OLFM3: variants seen among roughly 807,000 people sequenced by gnomAD.
OLFM3 encodes olfactomedin 3, also known as noelin-3.
Under a neutral mutation model 48.6 loss-of-function variants are expected in OLFM3, and 20 were observed. That is an observed-to-expected ratio of 0.41 (90% CI 0.29 to 0.60). OLFM3 has a LOEUF of 0.60. Among genes scored for constraint, OLFM3 ranks in the 20% least tolerant of loss-of-function variants. OLFM3 has a pLI of 0.28. For synonymous variants in OLFM3, 222 were observed against 198.1 expected (o/e 1.12, Z -1.01); for missense variants, 437 against 544.3 (o/e 0.80, Z 1.96).
chr1:101,909,029 C>A (rs1658653176), intron 1 of OLFM3, among the ~76,000 whole-genome samples: 1 of 152,148 alleles, frequency 6.6e-6, no homozygotes, highest in African/African-American at 2.4e-5. Context: ...TATATCCCAC[C>A]TTCATATTTT....
chr1:101,882,014 A>C (rs1657546967), intron 1 of OLFM3, among the ~76,000 whole-genome samples: 1 of 151,584 alleles, frequency 6.6e-6, no homozygotes, highest in South Asian at 2.1e-4. Flanking sequence ...GGATGCTTAT[A>C]ATCAAAACTT....
intron 1 of OLFM3, among the ~76,000 whole-genome samples, chr1:101,840,186 A>C (rs1211899960): frequency 6.6e-6 from 1 of 152,222 alleles, no homozygotes; most frequent in Non-Finnish European, 1.5e-5. Context: ...ACATATAAGA[A>C]CAATTATTTA....
At chr1:101,982,891 T>C (rs1372665979) in intron 1 of OLFM3, among the ~76,000 whole-genome samples, 1 of 143,454 alleles carries the variant, frequency 7.0e-6, no homozygotes, top group Admixed American at 7.2e-5. Context: ...TCTCACTCTC[T>C]GTCTCTGTCT....
chr1:101,806,328 A>T, intron 4 of OLFM3, 146 bp from the exon 5 acceptor site: 1 of 648,586 alleles, frequency 1.5e-6, no homozygotes, highest in Non-Finnish European at 2.7e-6. Context: ...GATTATTCAC[A>T]ATGGGTGCTG....
intron 1 of OLFM3, among the ~76,000 whole-genome samples, chr1:101,861,215 C>G (rs1311048065): frequency 6.6e-6 from 1 of 151,972 alleles, no homozygotes; most frequent in East Asian, 1.9e-4. Context: ...GCACCCACCA[C>G]AGCACCTGGA....
At chr1:101,968,157 G>A (rs574183085) in intron 1 of OLFM3, among the ~76,000 whole-genome samples, 2 of 152,084 alleles carry the variant, frequency 1.3e-5, no homozygotes, top group African/African-American at 2.4e-5. Flanking sequence ...AGAATGAACA[G>A]CACATAACTT....
At chr1:101,996,563 C>G (rs1324737815) in intron 1 of OLFM3, among the ~76,000 whole-genome samples, 185 bp downstream of exon 1, 4 of 152,104 alleles carry the variant, frequency 2.6e-5, no homozygotes, top group African/African-American at 9.7e-5. Context: ...AGGACTCTAC[C>G]TTGAGGAGCT....
At chr1:101,839,943 C>T (rs1016449811) in intron 1 of OLFM3, among the ~76,000 whole-genome samples, 2 of 152,108 alleles carry the variant, frequency 1.3e-5, no homozygotes, top group East Asian at 3.8e-4. Flanking sequence ...AAAAAGGTAA[C>T]TCAAAAGAGG....
At chr1:101,887,392 A>T (rs1259140050) in intron 1 of OLFM3, among the ~76,000 whole-genome samples, 1 of 152,018 alleles carries the variant, frequency 6.6e-6, no homozygotes, top group Admixed American at 6.6e-5. Flanking sequence ...AAAATATGGA[A>T]ATGCAATTTA....
At chr1:101,909,713 A>C (rs1658684275) in intron 1 of OLFM3, among the ~76,000 whole-genome samples, 1 of 152,208 alleles carries the variant, frequency 6.6e-6, no homozygotes, top group Non-Finnish European at 1.5e-5. Flanking sequence ...TGTCTCAATT[A>C]TATTACAGTT....
intron 2 of OLFM3, among the ~76,000 whole-genome samples, chr1:101,835,304 A>T (rs1289300727): frequency 6.6e-6 from 1 of 152,198 alleles, no homozygotes; most frequent in African/African-American, 2.4e-5. Context: ...TAAATAAAAA[A>T]ATCAACTTTG....
chr1:101,981,525 A>G (rs1462468666), intron 1 of OLFM3, among the ~76,000 whole-genome samples: 1 of 152,200 alleles, frequency 6.6e-6, no homozygotes, highest in Non-Finnish European at 1.5e-5. Flanking sequence ...CTCCAGTTTC[A>G]TGGGCTTAAA....
intron 1 of OLFM3, among the ~76,000 whole-genome samples, chr1:101,933,315 C>G (rs539476350): frequency 6.8e-6 from 1 of 147,746 alleles, no homozygotes; most frequent in East Asian, 2.0e-4. Flanking sequence ...TTTCAGAATA[C>G]GATCACAAGT....
intron 1 of OLFM3, among the ~76,000 whole-genome samples, chr1:101,917,342 T>C (rs1311757311): frequency 2.0e-5 from 3 of 152,190 alleles, no homozygotes; most frequent in Non-Finnish European, 4.4e-5. Flanking sequence ...CTATTTTAAA[T>C]AGACAAATTG....
At chr1:101,967,652 T>G (rs1169210855) in intron 1 of OLFM3, among the ~76,000 whole-genome samples, 1 of 140,256 alleles carries the variant, frequency 7.1e-6, no homozygotes, top group Non-Finnish European at 1.5e-5. Flanking sequence ...ACACCAATCA[T>G]TTTAAGGACA....
At chr1:101,943,622 T>C (rs6577290) in intron 1 of OLFM3, among the ~76,000 whole-genome samples, 61,032 of 152,086 alleles carry the variant, frequency 0.4, 12,547 homozygotes, top group East Asian at 0.51. Context: ...GATCAGAATG[T>C]TGCTATTCTA....
At chr1:101,954,470 T>A (rs1018105697) in intron 1 of OLFM3, among the ~76,000 whole-genome samples, 1 of 152,074 alleles carries the variant, frequency 6.6e-6, no homozygotes, top group Admixed American at 6.6e-5. Flanking sequence ...ACACACTGTT[T>A]CTTGCTTGTA....
chr1:101,845,025 C>A (rs1229924889), intron 1 of OLFM3, among the ~76,000 whole-genome samples: 1 of 151,924 alleles, frequency 6.6e-6, no homozygotes, highest in Non-Finnish European at 1.5e-5. Context: ...GGAAAGCATA[C>A]CTAAAATAAA....
At chr1:101,826,357 T>C (rs548467668) in intron 3 of OLFM3, among the ~76,000 whole-genome samples, 3 of 152,176 alleles carry the variant, frequency 2.0e-5, no homozygotes, top group African/African-American at 7.2e-5. Context: ...TTTGATTCAA[T>C]TGTGAATTTA....
Sources: gnomAD v4.1 joint callset for allele counts (sites outside exome capture counted in the v4.1 genomes callset) on GRCh38, gnomAD v4.1.1 for gene constraint, MANE v1.5 for transcripts, NCBI Gene and HGNC (gene_info 2026-07-23, HGNC 2026-07-21) for gene names.